VPS13A: variants seen among roughly 807,000 people sequenced by gnomAD.
VPS13A encodes the protein intermembrane lipid transfer protein VPS13A.
In VPS13A, 264 loss-of-function variants were observed where a neutral mutation model predicts 390.9. The observed-to-expected ratio is 0.68, with a 90% confidence interval of 0.61 to 0.75. VPS13A has a LOEUF of 0.75. Among genes scored for constraint, VPS13A ranks in the 30% least tolerant of loss-of-function variants. The probability of loss-of-function intolerance (pLI) is 0.00; values close to 1 mark genes in which losing one functional copy is unlikely to be tolerated. For missense variants in VPS13A, 3,409 were observed against 3,733.9 expected, an observed-to-expected ratio of 0.91 and a Z score of 2.27; for synonymous variants, 1,231 against 1,227.1, an observed-to-expected ratio of 1.00 and a Z score of -0.07.
intron 1 of VPS13A, among the ~76,000 whole-genome samples, chr9:77,183,361 G>A (rs1299260457): frequency 6.6e-6 from 1 of 152,058 alleles, no homozygotes; most frequent in East Asian, 1.9e-4. Flanking sequence ...TTTGTAAACC[G>A]TATCTTCTAA....
chr9:77,312,333 T>G (rs1405948589), intron 35 of VPS13A, among the ~76,000 whole-genome samples: 1 of 152,166 alleles, frequency 6.6e-6, no homozygotes, highest in Non-Finnish European at 1.5e-5. Context: ...TAGCAACTTT[T>G]TAAAAGCAAA....
chr9:77,321,731 T>G lies in VPS13A; in HGVS notation c.5815T>G (p.Phe1939Val), dbSNP rs1181133286. Residue 1939 changes from phenylalanine (F) to valine (V), a missense_variant, in exon 44 of 72, where the codon TTC (phenylalanine) becomes GTC (valine). This residue lies in a region of VPS13A where 2,717 missense variants were observed against 2,917.4 expected (regional missense o/e 0.93). Transcript: ENST00000360280. Reference protein sequence around the residue: ...NAMTSLSSKLFFILLTPVNHS... With the variant: ...NAMTSLSSKLVFILLTPVNHS... The stretch of plus-strand genomic sequence containing the variant: ...AATGACCAGCCTAAGCAGCAAACTC[T>G]TCTTCATTCTTCTTAGTAAGTAGTT... The G allele has an allele frequency of 8.7e-6, 14 of 1,612,966 alleles. No individual in the cohort carries two copies. Among genetic ancestry groups the G allele is most frequent in the African/African-American group, 2.7e-5 (2 of 74,904 alleles).
chr9:77,325,192 C>T (rs141870243), intron 45 of VPS13A, among the ~76,000 whole-genome samples: 2 of 152,314 alleles, frequency 1.3e-5, no homozygotes, highest in Non-Finnish European at 2.9e-5. Flanking sequence ...GCGCAGTTCA[C>T]GCTCCTATGA....
chr9:77,271,772 C>G (rs1271700853), intron 23 of VPS13A, among the ~76,000 whole-genome samples: 1 of 152,044 alleles, frequency 6.6e-6, no homozygotes, highest in Non-Finnish European at 1.5e-5. Flanking sequence ...ATTCTAAAAC[C>G]TAACAACTAC....
intron 31 of VPS13A, among the ~76,000 whole-genome samples, chr9:77,289,584 TATC>T (rs1827530186): frequency 6.6e-6 from 1 of 152,196 alleles, no homozygotes; most frequent in Non-Finnish European, 1.5e-5. Flanking sequence ...TCTTTCTTGG[TATC>T]ATCATAATTT....
chr9:77,338,484 T>C (rs1357726705), intron 47 of VPS13A: 1 of 152,176 alleles, frequency 6.6e-6, no homozygotes, highest in Admixed American at 6.5e-5. Context: ...TCTTTTGCTG[T>C]GGTCTGTAAA....
Position 77,247,402 on chromosome 9 carries a change from A to C in VPS13A, c.2037+7A>C, listed in dbSNP as rs766122974. On this transcript the variant is annotated splice_region_variant and intron_variant, in intron 20 of 71. Coordinates refer to ENST00000360280, the MANE Select transcript of VPS13A (RefSeq NM_033305.3). ...GGACCTTGGTCATCTAAAGGTATAT[A>C]CTAATAATATTTGATTTATGATACA... The C allele has an allele frequency of 6.2e-7, 1 of 1,602,064 alleles. No individual in the cohort carries two copies. Among genetic ancestry groups the C allele is most frequent in the Admixed American group, 1.7e-5 (1 of 58,488 alleles).
intron 10 of VPS13A, among the ~76,000 whole-genome samples, chr9:77,217,113 GA>G (rs1159633523): frequency 6.6e-6 from 1 of 152,122 alleles, no homozygotes; most frequent in African/African-American, 2.4e-5. Context: ...ACCATTACAT[GA>G]GATGTTGGAG....
intron 69 of VPS13A, among the ~76,000 whole-genome samples, chr9:77,404,784 A>G (rs1260832370): frequency 1.3e-5 from 2 of 152,222 alleles, no homozygotes; most frequent in African/African-American, 4.8e-5. Flanking sequence ...TCTTTGAATC[A>G]GGACTGGGAA....
rs770095770 is a variant in VPS13A at position 77,272,471 on chromosome 9, ATAAG to A, written c.2428-806_2428-803del. On this transcript the variant is annotated intron_variant, in intron 23 of 71. Transcript: ENST00000360280. ...TACTCACCAACAGTATAGTGGACAAATAAGTAGTGGTTTCTTCATCAGTGCAATA... is the reference window on the plus strand; with the variant it reads ...TACTCACCAACAGTATAGTGGACAAATAGTGGTTTCTTCATCAGTGCAATA... 3.9e-5 allele frequency among the ~76,000 whole-genome samples: 6 copies of A among 152,368 alleles called. No individual in the cohort carries two copies. In the East Asian group the frequency reaches 1.2e-3, roughly 29 times the overall value.
chr9:77,320,107 G>A (rs72744296), intron 42 of VPS13A, among the ~76,000 whole-genome samples: 1 of 152,046 alleles, frequency 6.6e-6, no homozygotes, highest in East Asian at 1.9e-4. Context: ...ACACAGTTTA[G>A]ACATTGTTCT....
chr9:77,255,181 G>A (rs1825370347), intron 22 of VPS13A, among the ~76,000 whole-genome samples: 1 of 152,070 alleles, frequency 6.6e-6, no homozygotes, highest in Non-Finnish European at 1.5e-5. Context: ...TTCCTAGTTT[G>A]CTAACTTTTT....
chr9:77,227,729 T>A (rs1450384058), intron 16 of VPS13A, among the ~76,000 whole-genome samples: 7 of 151,318 alleles, frequency 4.6e-5, no homozygotes, highest in Non-Finnish European at 7.4e-5. Flanking sequence ...GAGATGGGGT[T>A]TCGCCATGTT....
intron 20 of VPS13A, among the ~76,000 whole-genome samples, chr9:77,248,717 C>T (rs999198055): frequency 2.0e-5 from 3 of 151,962 alleles, no homozygotes; most frequent in Admixed American, 2.0e-4. Flanking sequence ...TCAGAAGTGG[C>T]TAGTGGCTAC....
In VPS13A at chr9:77,370,291, G is replaced by T. The variant is rs1832678061; in HGVS notation, c.8702G>T (p.Gly2901Val). The T allele has an allele frequency of 6.2e-7, 1 of 1,614,066 alleles. No homozygotes were observed. Among genetic ancestry groups the T allele is most frequent in the South Asian group, 1.1e-5 (1 of 91,082 alleles). The change falls in exon 64 of 72, where the codon GGA (glycine) becomes GTA (valine). Residue 2901 changes from glycine (G) to valine (V), a missense_variant. Coordinates refer to ENST00000360280, the MANE Select transcript of VPS13A (RefSeq NM_033305.3). ...AIQGPEEFVEGMALGLKALVG... is the reference protein window; with the variant it reads ...AIQGPEEFVEVMALGLKALVG... ...CAGGGTCCTGAAGAGTTTGTGGAAG[G>T]AATGGCACTAGGACTTAAGGCACTA...
At chr9:77,353,377 G>GTTTTTTTTTTTTTTTTTTTGTT in intron 53 of VPS13A, 32 bp from the exon 54 acceptor site, 1 of 1,276,010 alleles carries the variant, frequency 7.8e-7, no homozygotes, top group African/African-American at 1.7e-5. Context: ...TAATTTTTTG[G>GTTTTTTTTTTTTTTTTTTTGTT]TTTTTTTTTT....
intron 68 of VPS13A, among the ~76,000 whole-genome samples, chr9:77,389,308 C>CT (rs57239835): frequency 0.04 from 5,502 of 137,672 alleles, 323 homozygotes; most frequent in African/African-American, 0.12. Flanking sequence ...AAGCAGAACT[C>CT]TTTTTTTTTT....
At chr9:77,214,456 C>A in intron 10 of VPS13A, 70 bp downstream of exon 10, 1 of 1,266,362 alleles carries the variant, frequency 7.9e-7, no homozygotes, top group Non-Finnish European at 1.1e-6. Context: ...AGCATTGTTG[C>A]TATCACTGTG....
At chr9:77,346,602 A>T (rs997023651) in intron 52 of VPS13A, among the ~76,000 whole-genome samples, 2 of 152,170 alleles carry the variant, frequency 1.3e-5, no homozygotes, top group African/African-American at 4.8e-5. Flanking sequence ...TGCCAAAGCC[A>T]GTGTCTAGAA....
Sources: gnomAD v4.1 joint callset for allele counts (sites outside exome capture counted in the v4.1 genomes callset) on GRCh38, gnomAD v4.1.1 for gene constraint, gnomAD v4.1.1 regional missense constraint, MANE v1.5 for transcripts, NCBI Gene and HGNC (gene_info 2026-07-23, HGNC 2026-07-21) for gene names.